The following SPIN1 variants were observed in gnomAD, a reference collection of about 807,000 sequenced individuals.
SPIN1 encodes the protein spindlin 1.
SPIN1 carries 3 observed loss-of-function variants against 26.0 expected under a neutral mutation model. The observed-to-expected ratio is 0.12, with a 90% CI of 0.05 to 0.30. The LOEUF (loss-of-function observed/expected upper bound fraction) is 0.30, where lower values mean the gene tolerates loss of function less well. Among genes scored for constraint, SPIN1 ranks in the 10% least tolerant of loss-of-function variants. SPIN1 has a pLI of 1.00. For synonymous variants in SPIN1, 101 were observed against 116.5 expected, an observed-to-expected ratio of 0.87 and a Z score of 0.86; for missense variants, 126 against 333.4, an observed-to-expected ratio of 0.38 and a Z score of 4.84.
intron 1 of SPIN1, among the ~76,000 whole-genome samples, chr9:88,413,423 G>A (rs1025104088): frequency 2.0e-5 from 3 of 151,040 alleles, no homozygotes; most frequent in South Asian, 2.1e-4. Flanking sequence ...TCCCTGTATC[G>A]CCCAGGCTGG....
intron 2 of SPIN1, among the ~76,000 whole-genome samples, chr9:88,426,928 C>CT (rs1321298257): frequency 6.6e-6 from 1 of 152,046 alleles, no homozygotes; most frequent in Non-Finnish European, 1.5e-5. Context: ...ATTTAGTGTA[C>CT]TGAGAGCAAC....
intron 2 of SPIN1, among the ~76,000 whole-genome samples, chr9:88,443,139 A>C (rs1213163841): frequency 1.3e-5 from 2 of 151,962 alleles, no homozygotes; most frequent in East Asian, 3.9e-4. Flanking sequence ...AAAAAACAAA[A>C]AAAAACTCAG....
intron 5 of SPIN1, among the ~76,000 whole-genome samples, chr9:88,469,617 C>T (rs750516129): frequency 1.3e-5 from 2 of 152,154 alleles, no homozygotes; most frequent in Non-Finnish European, 2.9e-5. Flanking sequence ...CACGCTCAAG[C>T]GAGTCTTCTG....
chr9:88,467,956 C>A (rs540394881), intron 4 of SPIN1, among the ~76,000 whole-genome samples: 3 of 151,828 alleles, frequency 2.0e-5, no homozygotes, highest in African/African-American at 4.8e-5. Context: ...CAAAGTGAAC[C>A]GTATACAGGA....
At chr9:88,410,747 C>T (rs2117957771) in intron 1 of SPIN1, 4 of 1,321,730 alleles carry the variant, frequency 3.0e-6, no homozygotes, top group East Asian at 2.3e-5. Flanking sequence ...TTGCTTCCAC[C>T]ATTACCAAAT....
At chr9:88,448,332 C>T (rs1040927494) in intron 2 of SPIN1, among the ~76,000 whole-genome samples, 27 of 152,138 alleles carry the variant, frequency 1.8e-4, no homozygotes, top group African/African-American at 6.0e-4. Flanking sequence ...GCGTGAGCCA[C>T]TGTACCCAGT....
intron 2 of SPIN1, among the ~76,000 whole-genome samples, chr9:88,445,438 G>C (rs1470516419): frequency 6.6e-6 from 1 of 151,554 alleles, no homozygotes; most frequent in Non-Finnish European, 1.5e-5. Context: ...TGGCAGTCAG[G>C]CCTATCTCCC....
chr9:88,462,667 C>T lies in SPIN1; in HGVS notation c.273C>T (p.Tyr91=), dbSNP rs1828595886. The T allele has an allele frequency of 4.3e-6, 7 of 1,614,028 alleles. No individual in the cohort carries two copies. The highest frequency in any genetic ancestry group is 5.9e-6 in the Non-Finnish European group (7 of 1,180,002). Residue 91 remains tyrosine, a synonymous_variant, in exon 4 of 6, where the codon TAC becomes TAT. Transcript: ENST00000375859. The part of the protein sequence containing the change: ...PVNPSLYLIK[Y]DGFDCVYGLE... ...ATCCTTCTTTGTATCTTATAAAATA[C>T]GATGGATTTGACTGTGTTTATGGAC... is the stretch of plus-strand genomic sequence containing the variant.
At chr9:88,470,899 G>A (rs1292230842) in intron 5 of SPIN1, among the ~76,000 whole-genome samples, 2 of 152,084 alleles carry the variant, frequency 1.3e-5, no homozygotes, top group East Asian at 1.9e-4. Flanking sequence ...CGGCCTATTG[G>A]CCCTTTTAAT....
intron 1 of SPIN1, among the ~76,000 whole-genome samples, chr9:88,425,978 ACT>A (rs1266209226): frequency 6.6e-6 from 1 of 150,574 alleles, no homozygotes; most frequent in African/African-American, 2.4e-5. Context: ...CCACCCCCAT[ACT>A]CTGTTTCTTT....
chr9:88,409,242 G>T (rs1343648397), intron 1 of SPIN1, among the ~76,000 whole-genome samples: 1 of 151,204 alleles, frequency 6.6e-6, no homozygotes. Flanking sequence ...TGATCTGCCC[G>T]CCTCGGCCTC....
At chr9:88,422,750 C>T (rs1163490089) in intron 1 of SPIN1, among the ~76,000 whole-genome samples, 2 of 151,084 alleles carry the variant, frequency 1.3e-5, no homozygotes, top group Admixed American at 1.3e-4. Context: ...GCTCTTGTCG[C>T]CCAGGCTGGA....
intron 1 of SPIN1, among the ~76,000 whole-genome samples, chr9:88,417,907 A>G (rs1827598172): frequency 6.6e-6 from 1 of 152,222 alleles, no homozygotes; most frequent in African/African-American, 2.4e-5. Context: ...TTGCTAGATT[A>G]CCATTTTATA....
intron 2 of SPIN1, among the ~76,000 whole-genome samples, chr9:88,443,162 A>C (rs771033173): frequency 1.8e-4 from 27 of 150,802 alleles, no homozygotes; most frequent in Non-Finnish European, 3.2e-4. Context: ...TTTGCTTTAC[A>C]TTGATTCTAT....
At chr9:88,447,266 T>C (rs1015030569) in intron 2 of SPIN1, among the ~76,000 whole-genome samples, 6 of 152,344 alleles carry the variant, frequency 3.9e-5, no homozygotes, top group Non-Finnish European at 8.8e-5. Flanking sequence ...TTAAGTGTTT[T>C]TATTTTCCTT....
At chr9:88,390,297 CCTTA>C (rs756930960) in intron 1 of SPIN1, among the ~76,000 whole-genome samples, 7 of 152,082 alleles carry the variant, frequency 4.6e-5, no homozygotes, top group Non-Finnish European at 8.8e-5. Flanking sequence ...TGTGTGTCTC[CCTTA>C]CTTGTGAACT....
intron 1 of SPIN1, among the ~76,000 whole-genome samples, chr9:88,418,263 ATCAT>A (rs1564027343): frequency 6.6e-6 from 1 of 152,228 alleles, no homozygotes; most frequent in African/African-American, 2.4e-5. Context: ...GCCATCAGAC[ATCAT>A]TCATCTCATT....
intron 1 of SPIN1, among the ~76,000 whole-genome samples, chr9:88,413,482 C>T (rs1039359470): frequency 1.3e-5 from 2 of 152,040 alleles, no homozygotes; most frequent in African/African-American, 4.8e-5. Flanking sequence ...CTCCCAGGTT[C>T]AAGTGATTCT....
In SPIN1 at chr9:88,454,245, C is replaced by CT. The variant is rs996506235; in HGVS notation, c.101+5260dup. 1.4e-4 allele frequency among the ~76,000 whole-genome samples: 22 copies of CT among 152,222 alleles called. 2 individuals carry two copies. Among genetic ancestry groups the CT allele is most frequent in the African/African-American group, 4.8e-4 (20 of 41,542 alleles). The stretch of plus-strand genomic sequence containing the variant: ...CAAGAAAATATAAGAGATTGAAGGG[C>CT]TTTTAACAATACATATATCAAGATA... On this transcript the variant is annotated intron_variant, in intron 3 of 5. Coordinates refer to ENST00000375859, the MANE Select transcript of SPIN1 (RefSeq NM_006717.3).
Sources: gnomAD v4.1 joint callset for allele counts (sites outside exome capture counted in the v4.1 genomes callset) on GRCh38, gnomAD v4.1.1 for gene constraint, MANE v1.5 for transcripts, NCBI Gene and HGNC (gene_info 2026-07-23, HGNC 2026-07-21) for gene names.